The following MECOM variants were observed in gnomAD, a reference collection of about 807,000 sequenced individuals.
MECOM encodes MDS1 and EVI1 complex locus, also known as histone-lysine N-methyltransferase MECOM.
A neutral mutation model predicts 116.3 loss-of-function variants in MECOM; 13 were observed. That is an observed-to-expected ratio of 0.11 (90% confidence interval 0.07 to 0.18). The LOEUF (loss-of-function observed/expected upper bound fraction) is 0.18. MECOM is among the 10% of genes least tolerant of loss of function. MECOM has a pLI of 1.00. For missense variants in MECOM, 1,299 were observed against 1,509.0 expected, an observed-to-expected ratio of 0.86 and a Z score of 2.31; for synonymous variants, 528 against 535.2, an observed-to-expected ratio of 0.99 and a Z score of 0.19.
intron 10 of MECOM, among the ~76,000 whole-genome samples, chr3:169,103,630 G>A (rs1270125272): frequency 6.6e-6 from 1 of 152,192 alleles, no homozygotes; most frequent in African/African-American, 2.4e-5. Flanking sequence ...TTTTGCTAAT[G>A]AGACAGCAGG....
At chr3:169,127,367 T>TTTATATATATGTAATTTAGATCAA (rs2149171443) in intron 5 of MECOM, among the ~76,000 whole-genome samples, 1 of 152,238 alleles carries the variant, frequency 6.6e-6, no homozygotes, top group Non-Finnish European at 1.5e-5. Context: ...CTCTTATTCT[T>TTTATATATATGTAATTTAGATCAA]TTATATATAT....
At chr3:169,450,071 C>A (rs966895694) in intron 1 of MECOM, among the ~76,000 whole-genome samples, 4 of 152,182 alleles carry the variant, frequency 2.6e-5, no homozygotes, top group Non-Finnish European at 5.9e-5. Context: ...GCTTCTTACT[C>A]TGTCTAGGGA....
chr3:169,240,570 C>A (rs1296730779), intron 2 of MECOM, among the ~76,000 whole-genome samples: 3 of 152,082 alleles, frequency 2.0e-5, no homozygotes, highest in Non-Finnish European at 4.4e-5. Context: ...CTGTTGAGAT[C>A]CCAAACATCT....
At chr3:169,498,851 C>T (rs968700136) in intron 1 of MECOM, among the ~76,000 whole-genome samples, 1 of 151,726 alleles carries the variant, frequency 6.6e-6, no homozygotes, top group African/African-American at 2.4e-5. Flanking sequence ...GGAAAAGGAG[C>T]ATTAGCATCA....
chr3:169,188,102 A>AT (rs1747010402), intron 2 of MECOM, among the ~76,000 whole-genome samples: 1 of 151,788 alleles, frequency 6.6e-6, no homozygotes, highest in African/African-American at 2.4e-5. Context: ...AGTGATCCGA[A>AT]TAAAAAAAAT....
chr3:169,259,235 T>C (rs1308378255), intron 2 of MECOM, among the ~76,000 whole-genome samples: 1 of 152,080 alleles, frequency 6.6e-6, no homozygotes, highest in Non-Finnish European at 1.5e-5. Context: ...GGAAAAACAA[T>C]TTGGGTTGTC....
chr3:169,647,368 C>T (rs1435708304), intron 1 of MECOM, among the ~76,000 whole-genome samples: 2 of 152,190 alleles, frequency 1.3e-5, no homozygotes, highest in African/African-American at 4.8e-5. Flanking sequence ...GGCGTTATTA[C>T]TTATTGTTGC....
intron 1 of MECOM, among the ~76,000 whole-genome samples, chr3:169,488,372 C>CAAAAAAAAAA (rs758493062): frequency 7.1e-4 from 44 of 62,252 alleles, no homozygotes; most frequent in East Asian, 9.4e-4. Flanking sequence ...ACTAAAAATA[C>CAAAAAAAAAA]AAAAAAAAAA....
rs767800197 is a variant in MECOM, at chr3:169,102,118, G to A, written c.2713C>T (p.Pro905Ser). ...SVPSMFNFRA[P>S]PNALPENLLR... ...AGGTTCTCTGGCAGGGCATTGGGAGGCGCCCTGAAGTTGAACATAGAGGGC... is the reference window on the plus strand; with the variant it reads ...AGGTTCTCTGGCAGGGCATTGGGAGACGCCCTGAAGTTGAACATAGAGGGC... Residue 905 changes from proline (P) to serine (S), a missense_variant, in exon 11 of 17, where the codon CCT becomes TCT. Transcript: ENST00000651503. 1.2e-6 allele frequency: 2 copies of A among 1,613,748 alleles called. No individual in the cohort carries two copies. The highest frequency in any genetic ancestry group is 2.2e-5 in the East Asian group (1 of 44,860).
rs549199393 is a variant in MECOM at position 169,147,006 on chromosome 3, A to G, written c.376-3174T>C. 57 of 993,232 alleles carry G rather than the reference A, an allele frequency of 5.7e-5. No homozygotes were observed. The African/African-American group carries it at 9.1e-4, about 16-fold the overall frequency. 61.5% of individuals were successfully genotyped at this position (993,232 alleles called of 1,614,324 possible). A position where few individuals can be genotyped will look rare whatever the true frequency, so the allele number is the denominator to read the frequency against. ...TCCGCCAACAGTGTATTTTTAATAC[A>G]AGAAATGAAGTCTTCTTTCGTCTGG... On this transcript the variant is annotated intron_variant, in intron 2 of 16. Coordinates refer to ENST00000651503, the MANE Select transcript of MECOM (RefSeq NM_004991.4).
intron 1 of MECOM, among the ~76,000 whole-genome samples, chr3:169,416,984 G>C (rs1385979893): frequency 6.6e-6 from 1 of 152,126 alleles, no homozygotes; most frequent in Non-Finnish European, 1.5e-5. Context: ...TTAAACGTTA[G>C]ACCTAAAACC....
chr3:169,269,334 CATCCTGT>C (rs2149647156), intron 2 of MECOM: 1 of 151,776 alleles, frequency 6.6e-6, no homozygotes, highest in Non-Finnish European at 1.5e-5. Flanking sequence ...CTTATTTCTC[CATCCTGT>C]ATCTGTATAC....
At chr3:169,549,099 G>T (rs1334117851) in intron 1 of MECOM, among the ~76,000 whole-genome samples, 2 of 151,014 alleles carry the variant, frequency 1.3e-5, no homozygotes, top group African/African-American at 4.9e-5. Context: ...TCAGCCTCCC[G>T]AGTAGCTGGG....
intron 1 of MECOM, among the ~76,000 whole-genome samples, chr3:169,406,489 C>CAT (rs1736709230): frequency 6.6e-6 from 1 of 152,150 alleles, no homozygotes; most frequent in Non-Finnish European, 1.5e-5. Context: ...GTCCTGTCTG[C>CAT]ATATAAACTC....
intron 2 of MECOM, among the ~76,000 whole-genome samples, chr3:169,251,237 T>G (rs1412518383): frequency 2.0e-5 from 3 of 152,222 alleles, no homozygotes; most frequent in African/African-American, 4.8e-5. Context: ...GTATCATTCC[T>G]TTCTATAAAC....
intron 2 of MECOM, among the ~76,000 whole-genome samples, chr3:169,245,038 A>G (rs1238053216): frequency 1.3e-5 from 2 of 152,232 alleles, no homozygotes; most frequent in Non-Finnish European, 2.9e-5. Context: ...GCAGCTGCTT[A>G]AATTTTAATC....
At chr3:169,493,608 TG>T (rs934620879) in intron 1 of MECOM, among the ~76,000 whole-genome samples, 11 of 152,264 alleles carry the variant, frequency 7.2e-5, no homozygotes, top group Non-Finnish European at 1.6e-4. Flanking sequence ...ATACACTGGG[TG>T]TATATTTATA....
intron 1 of MECOM, among the ~76,000 whole-genome samples, chr3:169,605,350 A>G (rs541345158): frequency 1.2e-3 from 187 of 152,330 alleles, no homozygotes; most frequent in Non-Finnish European, 2.1e-3. Context: ...TACACAAAGG[A>G]AAAAAGTAGA....
rs1732385037 is a variant in MECOM, at chr3:169,381,530, A to G, written c.38-6T>C. ...GCCATATACACACTCATTATCTGTG[A>G]ATAAATAAGAACTTCATGAATTCCT... On this transcript the variant is annotated splice_polypyrimidine_tract_variant and splice_region_variant and intron_variant, in intron 1 of 16. Transcript: ENST00000651503. The G allele has an allele frequency of 1.3e-6, 2 of 1,555,078 alleles. No individual in the cohort carries two copies. Among genetic ancestry groups the G allele is most frequent in the Non-Finnish European group, 8.7e-7 (1 of 1,149,296 alleles).
Sources: gnomAD v4.1 joint callset for allele counts (sites outside exome capture counted in the v4.1 genomes callset) on GRCh38, gnomAD v4.1.1 for gene constraint, MANE v1.5 for transcripts, NCBI Gene and HGNC (gene_info 2026-07-23, HGNC 2026-07-21) for gene names.